Variants in WT1 observed in about 807,000 individuals in gnomAD.
The protein encoded by WT1 is WT1 transcription factor, also known as Wilms tumor protein.
A neutral mutation model predicts 60.8 loss-of-function variants in WT1; 8 were observed. The ratio of observed to expected loss-of-function variants is 0.13; its 90% CI spans 0.08 to 0.24. The LOEUF (loss-of-function observed/expected upper bound fraction) is 0.24, where lower values mean the gene tolerates loss of function less well. Among genes scored for constraint, WT1 ranks in the 10% least tolerant of loss-of-function variants. WT1 has a pLI of 1.00. For missense variants in WT1, 568 were observed against 711.8 expected, an observed-to-expected ratio of 0.80 and a Z score of 2.30; for synonymous variants, 312 against 297.1, an observed-to-expected ratio of 1.05 and a Z score of -0.52.
intron 5 of WT1, among the ~76,000 whole-genome samples, chr11:32,402,763 A>C (rs1461145241): frequency 6.6e-6 from 1 of 152,118 alleles, no homozygotes; most frequent in Non-Finnish European, 1.5e-5. Flanking sequence ...CCTCCATAGG[A>C]TGGTCTCAAA....
intron 3 of WT1, among the ~76,000 whole-genome samples, chr11:32,418,348 C>G (rs937308609): frequency 4.0e-5 from 6 of 151,730 alleles, no homozygotes; most frequent in African/African-American, 1.5e-4. Flanking sequence ...TGTAAACCAA[C>G]AAAAAGCTGT....
intron 6 of WT1, among the ~76,000 whole-genome samples, chr11:32,396,815 C>A (rs1339905080): frequency 6.6e-6 from 1 of 152,178 alleles, no homozygotes; most frequent in Admixed American, 6.5e-5. Flanking sequence ...GGAGTCATGA[C>A]CACATGACCT....
chr11:32,397,195 G>A (rs1308337484), intron 6 of WT1, among the ~76,000 whole-genome samples: 1 of 152,204 alleles, frequency 6.6e-6, no homozygotes, highest in African/African-American at 2.4e-5. Flanking sequence ...CTTGGGGTCA[G>A]GGAGTCATAA....
Position 32,435,483 on chromosome 11 carries a change from G to C in WT1, c.-123C>G, listed in dbSNP as rs970379858. 2 of 1,431,288 alleles carry C rather than the reference G, an allele frequency of 1.4e-6. No homozygotes were observed. The highest frequency in any genetic ancestry group is 1.9e-6 in the Non-Finnish European group (2 of 1,073,848). The allele number at this position is 1,431,288 out of a possible 1,614,324, so 88.7% of individuals were successfully genotyped here. On this transcript the variant is annotated 5_prime_UTR_variant, in exon 1 of 10. Coordinates refer to ENST00000452863, the MANE Select transcript of WT1 (RefSeq NM_024426.6). ...AAGTGGGGGAGCGGACAGGCGGTCG[G>C]GTTGCGGAGAGCCCCCGGGTGTGGG... is the stretch of plus-strand genomic sequence containing the variant.
chr11:32,421,245 G>C (rs1044840328), intron 3 of WT1, among the ~76,000 whole-genome samples: 1 of 152,194 alleles, frequency 6.6e-6, no homozygotes, highest in Non-Finnish European at 1.5e-5. Flanking sequence ...AGGCAGCTTC[G>C]TTCAAGGAAT....
intron 3 of WT1, among the ~76,000 whole-genome samples, chr11:32,425,134 G>C (rs1421740851): frequency 2.0e-5 from 3 of 148,634 alleles, no homozygotes; most frequent in Non-Finnish European, 4.4e-5. Flanking sequence ...CCAAGATTGT[G>C]CCACTGCACT....
chr11:32,416,878 G>A (rs549214557), intron 4 of WT1, among the ~76,000 whole-genome samples: 2 of 152,240 alleles, frequency 1.3e-5, no homozygotes, highest in South Asian at 2.1e-4. Context: ...AGAGTGTTGG[G>A]AAGATAAGAT....
intron 5 of WT1, among the ~76,000 whole-genome samples, chr11:32,411,067 A>G (rs1852482816): frequency 1.3e-5 from 2 of 148,808 alleles, no homozygotes; most frequent in Admixed American, 1.3e-4. Flanking sequence ...TCCCTCTCCA[A>G]TACACACACA....
At chr11:32,399,328 T>C (rs1255068340) in intron 6 of WT1, among the ~76,000 whole-genome samples, 2 of 152,134 alleles carry the variant, frequency 1.3e-5, no homozygotes, top group East Asian at 3.9e-4. Context: ...CCCATAGAAC[T>C]GTACAACACA....
At chr11:32,395,688 C>T (rs1220487657) in intron 7 of WT1, among the ~76,000 whole-genome samples, 1 of 152,112 alleles carries the variant, frequency 6.6e-6, no homozygotes, top group South Asian at 2.1e-4. Context: ...TCTCCAACTC[C>T]TGACCTTGGG....
chr11:32,424,160 CA>C (rs10690035), intron 3 of WT1, among the ~76,000 whole-genome samples: 11,672 of 91,844 alleles, frequency 0.13, 476 homozygotes, highest in East Asian at 0.24. Flanking sequence ...GATGCCATCT[CA>C]AAAAAAAAAA....
intron 5 of WT1, among the ~76,000 whole-genome samples, chr11:32,403,500 G>A (rs1852217286): frequency 6.6e-6 from 1 of 151,946 alleles, no homozygotes; most frequent in African/African-American, 2.4e-5. Context: ...TTCCATTTTA[G>A]GAGAGCTTTA....
At chr11:32,395,606 T>G (rs543775202) in intron 7 of WT1, among the ~76,000 whole-genome samples, 86 of 151,844 alleles carry the variant, frequency 5.7e-4, no homozygotes, top group South Asian at 1.0e-3. Flanking sequence ...CAAGTACAGG[T>G]GCGTGCCACC....
intron 5 of WT1, among the ~76,000 whole-genome samples, chr11:32,401,252 A>G (rs1011049331): frequency 2.0e-5 from 3 of 152,210 alleles, no homozygotes; most frequent in African/African-American, 4.8e-5. Flanking sequence ...TTCACAGAAG[A>G]CCACATGTAG....
At chr11:32,428,365 TG>T in intron 2 of WT1, 131 bp downstream of exon 2, 2 of 1,467,972 alleles carry the variant, frequency 1.4e-6, no homozygotes, top group Non-Finnish European at 1.9e-6. Context: ...ACAGTGCCAT[TG>T]GGGTAATGAT....
intron 9 of WT1, among the ~76,000 whole-genome samples, 175 bp from the exon 10 acceptor site, chr11:32,389,354 T>C (rs1381312416): frequency 2.0e-5 from 3 of 152,206 alleles, no homozygotes; most frequent in Admixed American, 1.3e-4. Context: ...GCAGCACCTC[T>C]TGGGGCTTTA....
chr11:32,398,104 G>A (rs766528913), intron 6 of WT1, among the ~76,000 whole-genome samples: 15 of 152,130 alleles, frequency 9.9e-5, no homozygotes, highest in Non-Finnish European at 1.8e-4. Context: ...CTAAACCGTC[G>A]TCAGATTTCC....
At chr11:32,425,691 G>A (rs1328805308) in intron 3 of WT1, among the ~76,000 whole-genome samples, 1 of 152,120 alleles carries the variant, frequency 6.6e-6, no homozygotes, top group African/African-American at 2.4e-5. Context: ...TTCCTACAGG[G>A]GTCACAAATT....
At chr11:32,395,656 T>G (rs1310989221) in intron 7 of WT1, among the ~76,000 whole-genome samples, 1 of 152,046 alleles carries the variant, frequency 6.6e-6, no homozygotes, top group Non-Finnish European at 1.5e-5. Context: ...GAGACGGGGT[T>G]TCACCTTGTT....
Sources: gnomAD v4.1 joint callset for allele counts (sites outside exome capture counted in the v4.1 genomes callset) on GRCh38, gnomAD v4.1.1 for gene constraint, MANE v1.5 for transcripts, NCBI Gene and HGNC (gene_info 2026-07-23, HGNC 2026-07-21) for gene names.